REV3L: variants seen among roughly 807,000 people sequenced by gnomAD.
REV3L encodes REV3 like, DNA directed polymerase zeta catalytic subunit, also known as DNA polymerase zeta catalytic subunit.
A neutral mutation model predicts 299.4 loss-of-function variants in REV3L; 69 were observed. That is an observed-to-expected ratio of 0.23 (90% CI 0.19 to 0.28). REV3L has a LOEUF of 0.28. Among genes scored for constraint, REV3L ranks in the 10% least tolerant of loss-of-function variants. The pLI is 1.00. For synonymous variants in REV3L, 1,238 were observed against 1,271.4 expected (o/e 0.97, Z 0.56); for missense variants, 3,128 against 3,693.8 (o/e 0.85, Z 3.97).
Position 111,299,810 on chromosome 6 carries a change from G to T in REV3L, c.*206C>A. 2.5e-6 allele frequency: 1 copy of T among 404,512 alleles called. No individual in the cohort carries two copies. 25.1% of individuals were successfully genotyped at this position (404,512 alleles called of 1,614,324 possible). A position where few individuals can be genotyped will look rare whatever the true frequency, so the allele number is the denominator to read the frequency against. The stretch of plus-strand genomic sequence containing the variant: ...ATAAAACAATGTTTAAAAGGTGACA[G>T]AATGAGGAATTTGTACATTGTAAGA... On this transcript the variant is annotated 3_prime_UTR_variant, in exon 32 of 32. Coordinates refer to ENST00000368802, the MANE Select transcript of REV3L (RefSeq NM_001372078.1).
chr6:111,379,988 T>C lies in REV3L; in HGVS notation c.1448A>G (p.Lys483Arg). 1 of 1,603,278 alleles carries C rather than the reference T, an allele frequency of 6.2e-7. No individual in the cohort carries two copies. The highest frequency in any genetic ancestry group is 8.5e-7 in the Non-Finnish European group (1 of 1,172,480). The change falls in exon 11 of 32, where the codon AAA becomes AGA. Residue 483 changes from lysine to arginine, a missense_variant. Around this residue, in one of 9 missense-constraint regions of REV3L, gnomAD observed 2,409 missense variants for 2,611.8 expected, o/e 0.92. Transcript: ENST00000368802. ...GCAATAACTAAAAAATTACCTCTTTTTGGCACAATGTTCTTCAATATTGCT... is the reference window on the plus strand; with the variant it reads ...GCAATAACTAAAAAATTACCTCTTTCTGGCACAATGTTCTTCAATATTGCT... ...WDSNIEEHCA[K>R]KRSLCRNTHR...
chr6:111,367,576 T>C lies in REV3L; in HGVS notation c.6212A>G (p.Asp2071Gly). The change falls in exon 14 of 32, where the codon GAT (aspartate) becomes GGT (glycine). Residue 2071 changes from aspartate (D) to glycine (G), a missense_variant. Around this residue, in one of 9 missense-constraint regions of REV3L, gnomAD observed 2,409 missense variants for 2,611.8 expected, o/e 0.92. Transcript: ENST00000368802. ...TGCTTGTAAAGCAATCTGAGAATTA[T>C]CAACATCCTCCTTGGTATGTGCTGT... ...PTTAHTKEDV[D>G]NSQIALQAPT... The C allele has an allele frequency of 6.2e-7, 1 of 1,614,100 alleles. No homozygotes were observed. Among genetic ancestry groups the C allele is most frequent in the Non-Finnish European group, 8.5e-7 (1 of 1,179,928 alleles).
chr6:111,358,761 T>TC, intron 17 of REV3L, 61 bp downstream of exon 17: 1 of 1,289,588 alleles, frequency 7.8e-7, no homozygotes, highest in Non-Finnish European at 1.1e-6. Context: ...GCACAGGAAT[T>TC]CCCCATTAAA....
chr6:111,456,704 G>A (rs1790202167), intron 1 of REV3L, among the ~76,000 whole-genome samples: 1 of 152,074 alleles, frequency 6.6e-6, no homozygotes, highest in South Asian at 2.1e-4. Flanking sequence ...TTAAACTTCA[G>A]ATTTCAAATA....
At chr6:111,419,367 C>T (rs1006695182) in intron 1 of REV3L, among the ~76,000 whole-genome samples, 4 of 152,164 alleles carry the variant, frequency 2.6e-5, no homozygotes, top group African/African-American at 7.2e-5. Context: ...AAAATGAACA[C>T]GAGAGTCAAC....
At chr6:111,354,637 C>T (rs1217233561) in intron 18 of REV3L, among the ~76,000 whole-genome samples, 4 of 152,112 alleles carry the variant, frequency 2.6e-5, no homozygotes, top group Non-Finnish European at 4.4e-5. Context: ...TTCCATTTTT[C>T]CTCTCTAAAA....
At chr6:111,377,975 T>G in intron 11 of REV3L, 132 bp from the exon 12 acceptor site, 5 of 665,976 alleles carry the variant, frequency 7.5e-6, no homozygotes, top group Middle Eastern at 5.9e-4. Flanking sequence ...AGTTACTCTA[T>G]AGTAAAACAA....
chr6:111,367,540 C>T lies in REV3L; in HGVS notation c.6248G>A (p.Gly2083Glu). 4 of 1,613,116 alleles carry T rather than the reference C, an allele frequency of 2.5e-6. No homozygotes were observed. The highest frequency in any genetic ancestry group is 1.6e-4 in the Middle Eastern group (1 of 6,062). ...SQIALQAPTTGCSQTASESQM... is the reference protein window; with the variant it reads ...SQIALQAPTTECSQTASESQM... ...ACTTTCACTTGCAGTTTGACTACATCCCGTGGTTGGTGCTTGTAAAGCAAT... is the reference window on the plus strand; with the variant it reads ...ACTTTCACTTGCAGTTTGACTACATTCCGTGGTTGGTGCTTGTAAAGCAAT... Residue 2083 changes from glycine (G) to glutamate (E), a missense_variant, in exon 14 of 32, where the codon GGA becomes GAA. Physicochemically the swap from Gly to Glu is moderately conservative, Grantham distance 98 (BLOSUM62 -2). Transcript: ENST00000368802.
At chr6:111,421,613 G>GTT (rs879402414) in intron 1 of REV3L, among the ~76,000 whole-genome samples, 5 of 145,204 alleles carry the variant, frequency 3.4e-5, no homozygotes, top group Admixed American at 2.1e-4. Context: ...GAATAGAAAA[G>GTT]TTTTTTTTTT....
At chr6:111,403,493 TTC>T (rs1455253204) in intron 4 of REV3L, among the ~76,000 whole-genome samples, 2 of 152,192 alleles carry the variant, frequency 1.3e-5, no homozygotes, top group African/African-American at 4.8e-5. Flanking sequence ...CACATTTTGG[TTC>T]CTCTTGCAAT....
chr6:111,366,187 T>C (rs1033436835), intron 14 of REV3L, among the ~76,000 whole-genome samples: 6 of 152,158 alleles, frequency 3.9e-5, no homozygotes, highest in Admixed American at 3.9e-4. Context: ...CATGTATATA[T>C]AAGTGTGTTG....
intron 21 of REV3L, among the ~76,000 whole-genome samples, chr6:111,338,346 TTTTTTTA>T (rs1776142398): frequency 2.4e-5 from 2 of 81,824 alleles, no homozygotes; most frequent in Non-Finnish European, 5.9e-5. Context: ...TTTTTTTTTT[TTTTTTTA>T]AATAAGACTG....
intron 23 of REV3L, 106 bp downstream of exon 23, chr6:111,333,017 G>T: frequency 7.7e-7 from 1 of 1,304,458 alleles, no homozygotes; most frequent in Non-Finnish European, 1.1e-6. Flanking sequence ...CATTTATCTT[G>T]CTCATAGGGA....
chr6:111,466,698 A>G (rs1329634277), intron 1 of REV3L, among the ~76,000 whole-genome samples: 1 of 152,098 alleles, frequency 6.6e-6, no homozygotes, highest in Non-Finnish European at 1.5e-5. Context: ...TTAGACAGGT[A>G]TGGTGTGGTG....
intron 1 of REV3L, among the ~76,000 whole-genome samples, chr6:111,433,596 T>A (rs980873511): frequency 6.6e-6 from 1 of 152,190 alleles, no homozygotes; most frequent in East Asian, 1.9e-4. Flanking sequence ...CAGGACCTAA[T>A]GGCTTCATTC....
chr6:111,383,653 G>C (rs1781055471), intron 9 of REV3L, among the ~76,000 whole-genome samples: 2 of 152,032 alleles, frequency 1.3e-5, no homozygotes, highest in Admixed American at 1.3e-4. Flanking sequence ...TGGATTGGAA[G>C]AATCAATACT....
At position 111,373,839 on chromosome 6, in the gene REV3L, G is replaced by A. The variant is rs761790989; in HGVS notation, c.4516C>T (p.Leu1506Phe). 1.2e-6 allele frequency: 2 copies of A among 1,614,028 alleles called. No homozygotes were observed. The highest frequency in any genetic ancestry group is 1.7e-6 in the Non-Finnish European group (2 of 1,180,004). ...ACATTTCGATTTTTACACTGAGAAAGTGCTTTGGTTTGTGAAATTGCTTCT... is the reference window on the plus strand; with the variant it reads ...ACATTTCGATTTTTACACTGAGAAAATGCTTTGGTTTGTGAAATTGCTTCT... ...LSEAISQTKA[L>F]SQCKNRNVST... The change falls in exon 13 of 32, where the codon CTT (leucine) becomes TTT (phenylalanine). Residue 1506 changes from leucine to phenylalanine, a missense_variant. Around this residue, in one of 9 missense-constraint regions of REV3L, gnomAD observed 2,409 missense variants for 2,611.8 expected, o/e 0.92. Coordinates refer to ENST00000368802, the MANE Select transcript of REV3L (RefSeq NM_001372078.1).
intron 31 of REV3L, among the ~76,000 whole-genome samples, chr6:111,300,711 T>C (rs1440972561): frequency 6.6e-6 from 1 of 152,208 alleles, no homozygotes; most frequent in African/African-American, 2.4e-5. Context: ...TTCATGAACA[T>C]TTATCACTTC....
At chr6:111,443,581 C>G (rs1466171852) in intron 1 of REV3L, among the ~76,000 whole-genome samples, 1 of 152,168 alleles carries the variant, frequency 6.6e-6, no homozygotes, top group Non-Finnish European at 1.5e-5. Flanking sequence ...AAAGCCTTTA[C>G]GCTAAGACTA....
Sources: allele counts gnomAD v4.1 joint callset (sites outside exome capture counted in the v4.1 genomes callset), GRCh38; gene constraint gnomAD v4.1.1; regional missense constraint gnomAD v4.1.1; transcripts MANE v1.5; gene names NCBI Gene and HGNC (gene_info 2026-07-23, HGNC 2026-07-21).